Variants in HTR1E observed in about 807,000 individuals in gnomAD.
HTR1E encodes the protein 5-hydroxytryptamine receptor 1E, also known as 5-HT-1E.
Under a neutral mutation model 3.4 loss-of-function variants are expected in HTR1E, and 3 were observed. The ratio of observed to expected loss-of-function variants is 0.89; its 90% confidence interval spans 0.41 to 2.31. The LOEUF is 2.31. Ranked by LOEUF, HTR1E falls within the 30% of genes most tolerant of loss-of-function variation. The probability of loss-of-function intolerance (pLI) is 0.05; values close to 1 mark genes in which losing one functional copy is unlikely to be tolerated. For synonymous variants in HTR1E, 170 were observed against 182.8 expected, an observed-to-expected ratio of 0.93 and a Z score of 0.56; for missense variants, 392 against 467.0, an observed-to-expected ratio of 0.84 and a Z score of 1.48.
At position 86,938,588 on chromosome 6, in the gene HTR1E, A is replaced by G. The variant is rs766255362; in HGVS notation, c.-186+765A>G. ...TTCTGCCTGTGCCCAGTTTTGGAAG[A>G]AAGGACCTTGTATTCAACCCAACGC... is the stretch of plus-strand genomic sequence containing the variant. On this transcript the variant is annotated intron_variant, in intron 1 of 1. Transcript: ENST00000305344. Among the ~76,000 whole-genome samples, 12 of 152,182 alleles carry G rather than the reference A, an allele frequency of 7.9e-5. 1 individual carries two copies. Among genetic ancestry groups the G allele is most frequent in the Non-Finnish European group, 1.3e-4 (9 of 68,026 alleles).
chr6:86,976,644 G>A lies in HTR1E; in HGVS notation c.-185-38506G>A, dbSNP rs1767643540. On this transcript the variant is annotated intron_variant, in intron 1 of 1. Coordinates refer to ENST00000305344, the MANE Select transcript of HTR1E (RefSeq NM_000865.3). Reference sequence around the variant, plus strand: ...ATATTGATATGTGTATAAATGGAACGCCTGCACTATTAGCATCACATCTGA... The same window carrying A: ...ATATTGATATGTGTATAAATGGAACACCTGCACTATTAGCATCACATCTGA... 1.3e-5 allele frequency among the ~76,000 whole-genome samples: 2 copies of A among 152,162 alleles called. 1 individual carries two copies. Among genetic ancestry groups the A allele is most frequent in the South Asian group, 4.1e-4 (2 of 4,830 alleles).
intron 1 of HTR1E, among the ~76,000 whole-genome samples, chr6:86,960,540 A>C (rs1262061772): frequency 6.6e-6 from 1 of 152,214 alleles, no homozygotes; most frequent in African/African-American, 2.4e-5. Context: ...TTTATGACAC[A>C]GCTCAGGTGA....
chr6:87,015,235 T>C lies in HTR1E; in HGVS notation c.-100T>C. 1.9e-6 allele frequency: 2 copies of C among 1,032,442 alleles called. No homozygotes were observed. The highest frequency in any genetic ancestry group is 2.7e-6 in the Non-Finnish European group (2 of 745,532). The allele number at this position is 1,032,442 out of a possible 1,614,324, so 64.0% of individuals were successfully genotyped here. ...AGAGACCACATAGCTGAACAAATTA[T>C]AGCCTCCTTACAAGTGAGAAACCTT... On this transcript the variant is annotated 5_prime_UTR_variant, in exon 2 of 2. Coordinates refer to ENST00000305344, the MANE Select transcript of HTR1E (RefSeq NM_000865.3).
chr6:87,010,180 C>A (rs1314538067), intron 1 of HTR1E, among the ~76,000 whole-genome samples: 1 of 91,364 alleles, frequency 1.1e-5, no homozygotes, highest in Non-Finnish European at 2.1e-5. Flanking sequence ...GCTGGCCGGG[C>A]GGGGGGCCGA....
chr6:87,001,745 G>A (rs1478486621), intron 1 of HTR1E, among the ~76,000 whole-genome samples: 2 of 152,070 alleles, frequency 1.3e-5, no homozygotes, highest in Non-Finnish European at 2.9e-5. Context: ...TTTTGTGAGA[G>A]GCCTGAAGGT....
Position 87,015,711 on chromosome 6 carries a change from A to G in HTR1E, c.377A>G (p.Asn126Ser). The G allele has an allele frequency of 1.2e-6, 2 of 1,613,234 alleles. No individual in the cohort carries two copies. Among genetic ancestry groups the G allele is most frequent in the Non-Finnish European group, 1.7e-6 (2 of 1,179,472 alleles). ...CTGGACAGGTACTGGGCCATCACCA[A>G]TGCTATTGAATACGCCAGGAAGAGG... ...IALDRYWAIT[N>S]AIEYARKRTA... The change falls in exon 2 of 2, where the codon AAT becomes AGT. Residue 126 changes from asparagine (N) to serine (S), a missense_variant. Asn to Ser is a conservative substitution (Grantham distance 46, BLOSUM62 1). This residue lies in a region of HTR1E where 189 missense variants were observed against 258.0 expected (regional missense o/e 0.73). Coordinates refer to ENST00000305344, the MANE Select transcript of HTR1E (RefSeq NM_000865.3).
chr6:86,982,892 A>T (rs1767733417), intron 1 of HTR1E, among the ~76,000 whole-genome samples: 1 of 152,194 alleles, frequency 6.6e-6, no homozygotes, highest in South Asian at 2.1e-4. Context: ...TAAACCATCC[A>T]GCGTGAAGTC....
intron 1 of HTR1E, among the ~76,000 whole-genome samples, chr6:86,940,326 A>G (rs1582251988): frequency 6.6e-6 from 1 of 152,196 alleles, no homozygotes; most frequent in African/African-American, 2.4e-5. Context: ...ACATGAGCCC[A>G]TGAGTTCGAG....
At chr6:87,010,589 T>C (rs2127833281) in intron 1 of HTR1E, among the ~76,000 whole-genome samples, 1 of 132,880 alleles carries the variant, frequency 7.5e-6, no homozygotes, top group African/African-American at 2.9e-5. Context: ...CTAGATGTGA[T>C]GGCGGCTGGG....
intron 1 of HTR1E, among the ~76,000 whole-genome samples, chr6:86,965,457 G>A (rs1039233105): frequency 2.0e-5 from 3 of 151,794 alleles, no homozygotes; most frequent in Non-Finnish European, 4.4e-5. Context: ...TTTTAATACC[G>A]GTGCCTAGCC....
Position 87,016,633 on chromosome 6 carries a change from C to G in HTR1E, c.*201C>G. The G allele has an allele frequency of 2.2e-6, 1 of 456,808 alleles. No homozygotes were observed. Among genetic ancestry groups the G allele is most frequent in the Non-Finnish European group, 3.9e-6 (1 of 253,762 alleles). The allele number at this position is 456,808 out of a possible 1,614,324, so 28.3% of individuals were successfully genotyped here. On this transcript the variant is annotated 3_prime_UTR_variant, in exon 2 of 2. Transcript: ENST00000305344. ...TGGCGTGCTGTTTTCTACCTCTGGT[C>G]TTATCTGTGATACATAATTTCAAAT...
At chr6:86,938,600 A>C (rs1768503752) in intron 1 of HTR1E, among the ~76,000 whole-genome samples, 1 of 152,194 alleles carries the variant, frequency 6.6e-6, no homozygotes, top group African/African-American at 2.4e-5. Context: ...AGGACCTTGT[A>C]TTCAACCCAA....
intron 1 of HTR1E, among the ~76,000 whole-genome samples, chr6:86,964,982 G>A (rs770458850): frequency 6.6e-6 from 1 of 152,030 alleles, no homozygotes; most frequent in Non-Finnish European, 1.5e-5. Context: ...TTTGTTGTTC[G>A]AGCTGTTGCT....
At chr6:86,993,006 C>T (rs1562069514) in intron 1 of HTR1E, among the ~76,000 whole-genome samples, 1 of 152,104 alleles carries the variant, frequency 6.6e-6, no homozygotes, top group Non-Finnish European at 1.5e-5. Context: ...TCTCTGCCCT[C>T]CCCTAGGTCC....
At chr6:86,983,979 T>A (rs542852457) in intron 1 of HTR1E, among the ~76,000 whole-genome samples, 1 of 152,284 alleles carries the variant, frequency 6.6e-6, no homozygotes, top group Admixed American at 6.5e-5. Flanking sequence ...TAACTAATAC[T>A]CTTTGTGATC....
At chr6:86,949,359 G>C (rs1323671113) in intron 1 of HTR1E, among the ~76,000 whole-genome samples, 1 of 151,994 alleles carries the variant, frequency 6.6e-6, no homozygotes, top group Non-Finnish European at 1.5e-5. Context: ...GTGTGTCCCT[G>C]CTGCTGCTGC....
At chr6:86,958,820 C>T (rs534010919) in intron 1 of HTR1E, among the ~76,000 whole-genome samples, 1 of 152,208 alleles carries the variant, frequency 6.6e-6, no homozygotes, top group African/African-American at 2.4e-5. Context: ...GGTGGAAGAT[C>T]CTAGCAGCCC....
At chr6:86,964,222 T>C (rs1211330562) in intron 1 of HTR1E, among the ~76,000 whole-genome samples, 1 of 152,142 alleles carries the variant, frequency 6.6e-6, no homozygotes, top group Non-Finnish European at 1.5e-5. Flanking sequence ...AAAATATGCG[T>C]TGGAATCGTA....
chr6:86,958,813 G>A (rs2127819807), intron 1 of HTR1E, among the ~76,000 whole-genome samples: 1 of 152,238 alleles, frequency 6.6e-6, no homozygotes, highest in South Asian at 2.1e-4. Context: ...TTTGCCTGGT[G>A]GAAGATCCTA....
Sources: gnomAD v4.1 joint callset for allele counts (sites outside exome capture counted in the v4.1 genomes callset) on GRCh38, gnomAD v4.1.1 for gene constraint, gnomAD v4.1.1 regional missense constraint, MANE v1.5 for transcripts, NCBI Gene and HGNC (gene_info 2026-07-23, HGNC 2026-07-21) for gene names.